CPQ: variants seen among roughly 807,000 people sequenced by gnomAD.
The protein encoded by CPQ is carboxypeptidase Q, also known as Ser-Met dipeptidase.
CPQ carries 37 observed loss-of-function variants against 45.7 expected under a neutral mutation model. That is an observed-to-expected ratio of 0.81 (90% CI 0.62 to 1.07). The LOEUF is 1.07. Among genes scored for constraint, CPQ ranks in the 50% least tolerant of loss-of-function variants. The probability of loss-of-function intolerance (pLI) is 0.00; values close to 1 mark genes in which losing one functional copy is unlikely to be tolerated. For synonymous variants in CPQ, 186 were observed against 205.8 expected (o/e 0.90, Z 0.82); for missense variants, 537 against 572.9 (o/e 0.94, Z 0.64).
At chr8:97,098,876 G>A (rs1811253436) in intron 7 of CPQ, among the ~76,000 whole-genome samples, 1 of 151,978 alleles carries the variant, frequency 6.6e-6, no homozygotes, top group African/African-American at 2.4e-5. Context: ...AATAGCCTGA[G>A]GTTGTATGTG....
intron 2 of CPQ, among the ~76,000 whole-genome samples, chr8:96,791,854 C>T (rs1026229721): frequency 2.6e-5 from 4 of 152,070 alleles, no homozygotes; most frequent in African/African-American, 7.2e-5. Flanking sequence ...GCCTTGATTT[C>T]GTGACCTGTG....
intron 1 of CPQ, among the ~76,000 whole-genome samples, chr8:96,684,329 T>C (rs1809194865): frequency 6.6e-6 from 1 of 152,232 alleles, no homozygotes; most frequent in South Asian, 2.1e-4. Flanking sequence ...TCTGAGTTCC[T>C]CAGTGGCTTA....
At chr8:96,743,294 A>C (rs1233734004) in intron 1 of CPQ, among the ~76,000 whole-genome samples, 1 of 151,282 alleles carries the variant, frequency 6.6e-6, no homozygotes, top group Non-Finnish European at 1.5e-5. Context: ...TGCATTCTTC[A>C]CGTAGTTCTC....
chr8:97,079,605 T>C (rs890719295), intron 7 of CPQ, among the ~76,000 whole-genome samples: 1 of 152,114 alleles, frequency 6.6e-6, no homozygotes, highest in African/African-American at 2.4e-5. Flanking sequence ...GTGTCACATA[T>C]AAGATGCAGT....
At chr8:96,993,805 T>G (rs1005251404) in intron 5 of CPQ, among the ~76,000 whole-genome samples, 2 of 152,150 alleles carry the variant, frequency 1.3e-5, no homozygotes, top group East Asian at 3.9e-4. Context: ...TATTTCATAG[T>G]GTATCAACAA....
Position 96,725,574 on chromosome 8 carries a change from C to CA in CPQ, c.-34-59284dup, listed in dbSNP as rs576641276. The stretch of plus-strand genomic sequence containing the variant: ...AGTCAGAATTGCCATTATTAAAAGA[C>CA]AAAAAATAACAGATGCTGGTGAGGC... On this transcript the variant is annotated intron_variant, in intron 1 of 7. Transcript: ENST00000220763. 3.4e-4 allele frequency among the ~76,000 whole-genome samples: 52 copies of CA among 152,030 alleles called. No homozygotes were observed. In the East Asian group the frequency reaches 8.9e-3, roughly 26 times the overall value.
chr8:96,728,843 G>T (rs566478961), intron 1 of CPQ, among the ~76,000 whole-genome samples: 2 of 152,200 alleles, frequency 1.3e-5, no homozygotes, highest in African/African-American at 4.8e-5. Context: ...AAGTCGATTA[G>T]CTTAAACCAT....
intron 1 of CPQ, among the ~76,000 whole-genome samples, chr8:96,747,041 A>C (rs1810195096): frequency 6.6e-6 from 1 of 152,170 alleles, no homozygotes; most frequent in African/African-American, 2.4e-5. Flanking sequence ...CTGTAATCCC[A>C]GCACTTTGGG....
rs542344716 is a variant in CPQ, at chr8:97,123,526, T to C, written c.1256-19494T>C. Among the ~76,000 whole-genome samples the C allele has an allele frequency of 9.9e-5, 15 of 151,730 alleles. No homozygotes were observed. The South Asian group carries it at 2.7e-3, about 27-fold the overall frequency. On this transcript the variant is annotated intron_variant, in intron 7 of 7. Transcript: ENST00000220763. ...GAGCAACCATTTTTAAAAAATGGTA[T>C]AGCCAATAAGCCATAGAAAAGATGA...
intron 6 of CPQ, among the ~76,000 whole-genome samples, chr8:97,040,348 A>C (rs1464999237): frequency 6.6e-6 from 1 of 151,170 alleles, no homozygotes; most frequent in East Asian, 1.9e-4. Context: ...TTTTCTTGTA[A>C]ATTTGTTGGA....
At chr8:96,731,468 T>G (rs1809912249) in intron 1 of CPQ, among the ~76,000 whole-genome samples, 1 of 152,114 alleles carries the variant, frequency 6.6e-6, no homozygotes, top group African/African-American at 2.4e-5. Flanking sequence ...TGTACACAGA[T>G]TCCCTTTACT....
chr8:97,029,473 C>A lies in CPQ; in HGVS notation c.1032C>A (p.Phe344Leu), dbSNP rs767772606. ...AAGAACAAGGTGGAGTTGGTGCCTT[C>A]CAGTATTATCAGTTACACAAGGTAA... ...TAEEQGGVGA[F>L]QYYQLHKVNI... Residue 344 changes from phenylalanine (F) to leucine (L), a missense_variant, in exon 6 of 8, where the codon TTC becomes TTA. Physicochemically the swap from Phe to Leu is conservative, Grantham distance 22. Transcript: ENST00000220763. 1.2e-6 allele frequency: 2 copies of A among 1,606,308 alleles called. No individual in the cohort carries two copies. The highest frequency in any genetic ancestry group is 8.5e-7 in the Non-Finnish European group (1 of 1,175,962).
chr8:96,657,629 A>G (rs1815653293), intron 1 of CPQ, among the ~76,000 whole-genome samples: 1 of 152,240 alleles, frequency 6.6e-6, no homozygotes, highest in Non-Finnish European at 1.5e-5. Context: ...ATGTTTACAG[A>G]AAATTCACAT....
chr8:96,744,019 T>C (rs1013063594), intron 1 of CPQ, among the ~76,000 whole-genome samples: 2 of 151,872 alleles, frequency 1.3e-5, no homozygotes, highest in African/African-American at 2.4e-5. Context: ...TCGAGCTTCC[T>C]GGCTCCTTTG....
chr8:97,030,496 T>C (rs1809882787), intron 6 of CPQ, among the ~76,000 whole-genome samples: 1 of 152,200 alleles, frequency 6.6e-6, no homozygotes, highest in Non-Finnish European at 1.5e-5. Flanking sequence ...TTATGACCTA[T>C]GCCCTACTCT....
intron 5 of CPQ, among the ~76,000 whole-genome samples, chr8:97,007,090 T>G (rs1468641434): frequency 6.6e-6 from 1 of 152,242 alleles, no homozygotes; most frequent in African/African-American, 2.4e-5. Context: ...CAGTCTTGCC[T>G]TCTCCAAAAG....
At chr8:97,033,453 TATA>T (rs1226362153) in intron 6 of CPQ, among the ~76,000 whole-genome samples, 1 of 152,242 alleles carries the variant, frequency 6.6e-6, no homozygotes, top group Non-Finnish European at 1.5e-5. Context: ...ACTTCTGGTC[TATA>T]ATGATAAAAG....
At chr8:96,899,374 C>T (rs1812485412) in intron 4 of CPQ, among the ~76,000 whole-genome samples, 2 of 152,166 alleles carry the variant, frequency 1.3e-5, no homozygotes, top group African/African-American at 4.8e-5. Flanking sequence ...ATTTGGGATG[C>T]ATTTTCACAT....
intron 6 of CPQ, among the ~76,000 whole-genome samples, chr8:97,050,658 G>T (rs1810344623): frequency 6.6e-6 from 1 of 152,094 alleles, no homozygotes; most frequent in African/African-American, 2.4e-5. Context: ...TGAGCCCAGG[G>T]TTTGTGATCA....
Sources: gnomAD v4.1 joint callset for allele counts (sites outside exome capture counted in the v4.1 genomes callset) on GRCh38, gnomAD v4.1.1 for gene constraint, MANE v1.5 for transcripts, NCBI Gene and HGNC (gene_info 2026-07-23, HGNC 2026-07-21) for gene names.